Variants in EXOC6B observed in about 807,000 individuals in gnomAD.
EXOC6B encodes exocyst complex component 6B, also known as SEC15 homolog B.
In EXOC6B, 54 loss-of-function variants were observed where a neutral mutation model predicts 113.5. The observed-to-expected ratio is 0.48, with a 90% CI of 0.38 to 0.60. The LOEUF (loss-of-function observed/expected upper bound fraction) is 0.60, where lower values mean the gene tolerates loss of function less well. Among genes scored for constraint, EXOC6B ranks in the 20% least tolerant of loss-of-function variants. The pLI, the probability that EXOC6B is intolerant of heterozygous loss-of-function variation, is 0.00. For missense variants in EXOC6B, 797 were observed against 977.5 expected (o/e 0.82, Z 2.46); for synonymous variants, 357 against 339.0 (o/e 1.05, Z -0.58).
intron 8 of EXOC6B, among the ~76,000 whole-genome samples, chr2:72,536,804 T>C (rs1702315961): frequency 6.6e-6 from 1 of 152,114 alleles, no homozygotes; most frequent in South Asian, 2.1e-4. Flanking sequence ...CAGAAAAAAG[T>C]CTCCCAAGTC....
At position 72,560,935 on chromosome 2, in the gene EXOC6B, T is replaced by C. The variant is rs532923663; in HGVS notation, c.847-1414A>G. On this transcript the variant is annotated intron_variant, in intron 7 of 21. Transcript: ENST00000272427. Reference sequence around the variant, plus strand: ...TGTGCAGCATGCAGTTTAAAAACAATAGGATTAAATAGCATATAAAAATTG... The same window carrying C: ...TGTGCAGCATGCAGTTTAAAAACAACAGGATTAAATAGCATATAAAAATTG... Among the ~76,000 whole-genome samples the C allele has an allele frequency of 6.6e-5, 10 of 150,934 alleles. No individual in the cohort carries two copies. In the South Asian group the frequency reaches 2.1e-3, roughly 32 times the overall value.
intron 20 of EXOC6B, among the ~76,000 whole-genome samples, chr2:72,271,995 T>C (rs1272337282): frequency 6.6e-6 from 1 of 152,130 alleles, no homozygotes; most frequent in East Asian, 1.9e-4. Flanking sequence ...CATGCTGATA[T>C]AGTTTATGGT....
intron 18 of EXOC6B, among the ~76,000 whole-genome samples, chr2:72,427,552 C>G (rs1228967973): frequency 1.3e-5 from 2 of 152,206 alleles, no homozygotes; most frequent in Non-Finnish European, 2.9e-5. Flanking sequence ...GACACGCCAG[C>G]CCCCTGCTGC....
chr2:72,383,396 T>C (rs150951844), intron 18 of EXOC6B, among the ~76,000 whole-genome samples: 1 of 152,004 alleles, frequency 6.6e-6, no homozygotes, highest in African/African-American at 2.4e-5. Flanking sequence ...TATGACAAAA[T>C]GTTCAACGTC....
intron 6 of EXOC6B, among the ~76,000 whole-genome samples, chr2:72,585,007 G>A (rs1705462952): frequency 6.6e-6 from 1 of 152,034 alleles, no homozygotes; most frequent in African/African-American, 2.4e-5. Context: ...TGCAACAAAA[G>A]CAGTGTTAAG....
At chr2:72,819,630 C>CA (rs1686472867) in intron 1 of EXOC6B, among the ~76,000 whole-genome samples, 1 of 152,026 alleles carries the variant, frequency 6.6e-6, no homozygotes, top group African/African-American at 2.4e-5. Context: ...TAACAAAACT[C>CA]AAAAAATAGA....
At chr2:72,276,181 G>T (rs899793703) in intron 20 of EXOC6B, among the ~76,000 whole-genome samples, 1 of 152,182 alleles carries the variant, frequency 6.6e-6, no homozygotes, top group Middle Eastern at 3.4e-3. Context: ...CCTCCACTTT[G>T]GGGGTAGACT....
intron 6 of EXOC6B, among the ~76,000 whole-genome samples, chr2:72,707,881 T>C (rs1430256464): frequency 6.6e-6 from 1 of 152,006 alleles, no homozygotes; most frequent in Non-Finnish European, 1.5e-5. Flanking sequence ...ATTAATGCTA[T>C]AGAGGAAAAG....
At chr2:72,799,531 C>T (rs1685173552) in intron 1 of EXOC6B, among the ~76,000 whole-genome samples, 1 of 152,054 alleles carries the variant, frequency 6.6e-6, no homozygotes, top group Non-Finnish European at 1.5e-5. Flanking sequence ...GATGGCACCA[C>T]TGCACTCCAG....
At chr2:72,305,273 C>A (rs1478701130) in intron 20 of EXOC6B, among the ~76,000 whole-genome samples, 1 of 151,794 alleles carries the variant, frequency 6.6e-6, no homozygotes, top group Admixed American at 6.6e-5. Context: ...GGGAAACTTA[C>A]TTATTTCATG....
intron 15 of EXOC6B, among the ~76,000 whole-genome samples, chr2:72,495,108 T>C (rs1044575140): frequency 5.9e-5 from 9 of 152,104 alleles, no homozygotes; most frequent in Non-Finnish European, 1.2e-4. Context: ...TCCTCCTGCC[T>C]CAGCCTCCCA....
intron 20 of EXOC6B, among the ~76,000 whole-genome samples, chr2:72,272,441 T>C (rs1367449704): frequency 6.6e-6 from 1 of 151,744 alleles, no homozygotes; most frequent in Non-Finnish European, 1.5e-5. Flanking sequence ...GGTGGAGGAG[T>C]TGGGTGTTAA....
chr2:72,312,899 C>G (rs910210924), intron 20 of EXOC6B, among the ~76,000 whole-genome samples: 1 of 151,770 alleles, frequency 6.6e-6, no homozygotes, highest in African/African-American at 2.4e-5. Context: ...CAGAGACATT[C>G]CCAAGATCAC....
chr2:72,206,953 C>G (rs1434036654), intron 20 of EXOC6B, among the ~76,000 whole-genome samples: 1 of 152,192 alleles, frequency 6.6e-6, no homozygotes, highest in Non-Finnish European at 1.5e-5. Flanking sequence ...GGGAAACCAT[C>G]ATCCATAAAC....
chr2:72,810,387 A>C (rs1435738471), intron 1 of EXOC6B, among the ~76,000 whole-genome samples: 1 of 148,024 alleles, frequency 6.8e-6, no homozygotes, highest in Admixed American at 6.8e-5. Context: ...AAATAAATAA[A>C]ATACAGTGAA....
At chr2:72,241,015 A>C (rs1297808023) in intron 20 of EXOC6B, among the ~76,000 whole-genome samples, 1 of 152,198 alleles carries the variant, frequency 6.6e-6, no homozygotes, top group East Asian at 1.9e-4. Context: ...GGGCAGAAAA[A>C]CTGAAGCTAT....
At chr2:72,611,286 C>T (rs1462442635) in intron 6 of EXOC6B, among the ~76,000 whole-genome samples, 2 of 151,822 alleles carry the variant, frequency 1.3e-5, no homozygotes, top group Non-Finnish European at 1.5e-5. Flanking sequence ...ATCACTTGAA[C>T]CCAGGAGGCG....
At chr2:72,189,385 G>T (rs1678663597) in intron 20 of EXOC6B, among the ~76,000 whole-genome samples, 1 of 151,960 alleles carries the variant, frequency 6.6e-6, no homozygotes. Context: ...TCCTCCTCAG[G>T]GTATCACCTC....
At chr2:72,210,718 G>A (rs973562702) in intron 20 of EXOC6B, among the ~76,000 whole-genome samples, 3 of 152,186 alleles carry the variant, frequency 2.0e-5, no homozygotes, top group Admixed American at 1.3e-4. Flanking sequence ...CACAGTGCCC[G>A]TGGAAGCTTG....
Sources: gnomAD v4.1 joint callset for allele counts (sites outside exome capture counted in the v4.1 genomes callset) on GRCh38, gnomAD v4.1.1 for gene constraint, MANE v1.5 for transcripts, NCBI Gene and HGNC (gene_info 2026-07-23, HGNC 2026-07-21) for gene names.